TRHDE: variants seen among roughly 807,000 people sequenced by gnomAD.
The protein encoded by TRHDE is thyrotropin-releasing hormone-degrading ectoenzyme.
TRHDE carries 72 observed loss-of-function variants against 125.7 expected under a neutral mutation model. The observed-to-expected ratio is 0.57, with a 90% CI of 0.47 to 0.70. The LOEUF (loss-of-function observed/expected upper bound fraction) is 0.70. Among genes scored for constraint, TRHDE ranks in the 30% least tolerant of loss-of-function variants. TRHDE has a pLI of 0.00. For synonymous variants in TRHDE, 509 were observed against 509.1 expected, an observed-to-expected ratio of 1.00 and a Z score of 0.00; for missense variants, 1,110 against 1,327.1, an observed-to-expected ratio of 0.84 and a Z score of 2.54.
At chr12:72,379,725 C>T (rs753320308) in intron 3 of TRHDE, among the ~76,000 whole-genome samples, 2 of 152,186 alleles carry the variant, frequency 1.3e-5, no homozygotes, top group African/African-American at 2.4e-5. Context: ...CACAATTGAA[C>T]CACGCAGCCT....
chr12:72,531,551 A>T (rs1868555508), intron 6 of TRHDE, among the ~76,000 whole-genome samples: 1 of 151,888 alleles, frequency 6.6e-6, no homozygotes, highest in Non-Finnish European at 1.5e-5. Flanking sequence ...ATTCATAAAG[A>T]TGTGCTTTTT....
intron 3 of TRHDE, among the ~76,000 whole-genome samples, chr12:72,405,721 A>G (rs1873239070): frequency 6.6e-6 from 1 of 152,240 alleles, no homozygotes. Context: ...TATTTCCGAA[A>G]GGGAAAATGC....
chr12:72,288,159 C>G (rs1206871102), intron 2 of TRHDE, among the ~76,000 whole-genome samples: 2 of 152,042 alleles, frequency 1.3e-5, no homozygotes. Context: ...TGTGATTCTT[C>G]TCATCCAGTA....
At chr12:72,201,390 T>C (rs1416004605) in intron 2 of TRHDE, among the ~76,000 whole-genome samples, 1 of 152,048 alleles carries the variant, frequency 6.6e-6, no homozygotes, top group Non-Finnish European at 1.5e-5. Flanking sequence ...GAGAGATAAA[T>C]ATTTTTGGCT....
chr12:72,555,725 A>G lies in TRHDE; in HGVS notation c.1789-6440A>G, dbSNP rs531313562. Among the ~76,000 whole-genome samples, 3 of 152,244 alleles carry G rather than the reference A, an allele frequency of 2.0e-5. No homozygotes were observed. The South Asian group carries it at 6.2e-4, about 32-fold the overall frequency. ...TGTTTCTCAAGGTTAGGGAATGTGAAAACATCCTCTGAAGTGCATGGGCCA... is the reference window on the plus strand; with the variant it reads ...TGTTTCTCAAGGTTAGGGAATGTGAGAACATCCTCTGAAGTGCATGGGCCA... On this transcript the variant is annotated intron_variant, in intron 7 of 18. Transcript: ENST00000261180.
intron 2 of TRHDE, among the ~76,000 whole-genome samples, chr12:72,150,738 T>C (rs1240280610): frequency 6.6e-6 from 1 of 152,108 alleles, no homozygotes; most frequent in East Asian, 1.9e-4. Context: ...TCATCATTTT[T>C]TATGGCTGCA....
intron 3 of TRHDE, among the ~76,000 whole-genome samples, chr12:72,435,062 A>C (rs1874677646): frequency 6.6e-6 from 1 of 152,190 alleles, no homozygotes; most frequent in South Asian, 2.1e-4. Context: ...TTTCTTCTTC[A>C]TCAGCAGTTC....
At chr12:72,181,311 T>C (rs1016061617) in intron 2 of TRHDE, among the ~76,000 whole-genome samples, 12 of 152,162 alleles carry the variant, frequency 7.9e-5, no homozygotes, top group African/African-American at 2.7e-4. Context: ...GATCCTCTAC[T>C]GACCTCCGGG....
intron 2 of TRHDE, among the ~76,000 whole-genome samples, chr12:72,218,825 G>T (rs1204010219): frequency 2.0e-5 from 3 of 152,090 alleles, no homozygotes; most frequent in Admixed American, 2.0e-4. Context: ...CCAAAATCTG[G>T]ATGACCTTAT....
At chr12:72,483,881 G>A (rs562190968) in intron 5 of TRHDE, among the ~76,000 whole-genome samples, 1 of 151,900 alleles carries the variant, frequency 6.6e-6, no homozygotes, top group Admixed American at 6.6e-5. Context: ...TACAAAAATG[G>A]TTTGTTTTAT....
chr12:72,421,547 A>G (rs1320575063), intron 3 of TRHDE, among the ~76,000 whole-genome samples: 1 of 152,190 alleles, frequency 6.6e-6, no homozygotes, highest in South Asian at 2.1e-4. Flanking sequence ...CTCTAAAGTT[A>G]TGTGGCATTA....
At chr12:72,254,609 T>C (rs889417451) in intron 2 of TRHDE, 7 of 152,212 alleles carry the variant, frequency 4.6e-5, no homozygotes, top group Non-Finnish European at 1.0e-4. Flanking sequence ...TGATTTTTGC[T>C]TCCCACTTTA....
At chr12:72,374,231 G>T (rs1871762731) in intron 2 of TRHDE, among the ~76,000 whole-genome samples, 1 of 151,766 alleles carries the variant, frequency 6.6e-6, no homozygotes, top group African/African-American at 2.4e-5. Context: ...GTTGGGTATG[G>T]ACAGCTGGAT....
intron 2 of TRHDE, among the ~76,000 whole-genome samples, chr12:72,344,836 A>T (rs1326472526): frequency 6.6e-6 from 1 of 151,912 alleles, no homozygotes; most frequent in Non-Finnish European, 1.5e-5. Flanking sequence ...TTATGGATGA[A>T]CACCCCTGGC....
intron 3 of TRHDE, among the ~76,000 whole-genome samples, chr12:72,456,639 A>G (rs1315541933): frequency 6.6e-6 from 1 of 152,082 alleles, no homozygotes; most frequent in Non-Finnish European, 1.5e-5. Flanking sequence ...GCAATTTTCT[A>G]TTATGTCAAT....
At chr12:72,271,669 C>A (rs566539523), upstream of TRHDE, among the ~76,000 whole-genome samples, 2 of 152,218 alleles carry the variant, frequency 1.3e-5, no homozygotes, top group Admixed American at 6.5e-5. Context: ...GAGTTTCAGT[C>A]CCTCAATGCA....
intron 2 of TRHDE, among the ~76,000 whole-genome samples, 179 bp downstream of exon 2, chr12:72,287,133 A>G (rs953126893): frequency 6.6e-6 from 1 of 151,816 alleles, no homozygotes; most frequent in African/African-American, 2.4e-5. Flanking sequence ...TCAGAGATAA[A>G]CCTGTCTTCT....
chr12:72,524,973 C>T (rs1159530146), intron 6 of TRHDE, among the ~76,000 whole-genome samples: 1 of 152,100 alleles, frequency 6.6e-6, no homozygotes, highest in Admixed American at 6.5e-5. Context: ...CCTGAAATTC[C>T]AGAGAACTGA....
chr12:72,137,589 A>C (rs2139312067), intron 2 of TRHDE: 1 of 152,360 alleles, frequency 6.6e-6, no homozygotes, highest in African/African-American at 2.4e-5. Context: ...AGGAAAGAGA[A>C]GTTAAGAAAG....
Sources: gnomAD v4.1 joint callset for allele counts (sites outside exome capture counted in the v4.1 genomes callset) on GRCh38, gnomAD v4.1.1 for gene constraint, MANE v1.5 for transcripts, NCBI Gene and HGNC (gene_info 2026-07-23, HGNC 2026-07-21) for gene names.